The following UTP11 variants were observed in gnomAD, a reference collection of about 807,000 sequenced individuals.
UTP11 encodes probable U3 small nucleolar RNA-associated protein 11.
In UTP11, 29 loss-of-function variants were observed where a neutral mutation model predicts 39.0. That is an observed-to-expected ratio of 0.74 (90% CI 0.55 to 1.01). The LOEUF (loss-of-function observed/expected upper bound fraction) is 1.01, where lower values mean the gene tolerates loss of function less well. UTP11 is among the 50% of genes least tolerant of loss of function. UTP11 has a pLI of 0.00. For synonymous variants in UTP11, 111 were observed against 105.0 expected (o/e 1.06, Z -0.35); for missense variants, 281 against 306.0 (o/e 0.92, Z 0.61).
intron 7 of UTP11, among the ~76,000 whole-genome samples, chr1:38,023,334 G>A (rs1312002756): frequency 6.6e-6 from 1 of 152,144 alleles, no homozygotes; most frequent in African/African-American, 2.4e-5. Flanking sequence ...TTTCTTCTCA[G>A]TTTTCCTAGG....
chr1:38,018,436 G>C, intron 3 of UTP11, 28 bp from the exon 4 acceptor site: 1 of 1,502,258 alleles, frequency 6.7e-7, no homozygotes, highest in Non-Finnish European at 9.2e-7. Flanking sequence ...ATCTAATAGG[G>C]AATATATCTT....
intron 6 of UTP11, among the ~76,000 whole-genome samples, chr1:38,021,667 T>C (rs1646738253): frequency 6.6e-6 from 1 of 152,100 alleles, no homozygotes; most frequent in Admixed American, 6.6e-5. Flanking sequence ...CCAAGGCAGG[T>C]GGATCACTTG....
At chr1:38,012,963 T>C in intron 1 of UTP11, 98 bp downstream of exon 1, 2 of 1,460,900 alleles carry the variant, frequency 1.4e-6, no homozygotes, top group Admixed American at 1.7e-5. Flanking sequence ...CCAAACTGTA[T>C]AGTATATAAA....
chr1:38,016,492 C>T (rs1425306187), intron 2 of UTP11, 72 bp downstream of exon 2: 12 of 1,494,794 alleles, frequency 8.0e-6, no homozygotes, highest in Non-Finnish European at 1.0e-5. Context: ...GCTGAATTGC[C>T]TGAGTGTCCA....
At chr1:38,014,216 A>G (rs1646694185) in intron 1 of UTP11, among the ~76,000 whole-genome samples, 1 of 152,232 alleles carries the variant, frequency 6.6e-6, no homozygotes, top group African/African-American at 2.4e-5. Context: ...GGATTAGCAG[A>G]GAAGACAGAG....
chr1:38,023,294 A>G (rs1646748591), intron 7 of UTP11, among the ~76,000 whole-genome samples: 1 of 152,198 alleles, frequency 6.6e-6, no homozygotes, highest in South Asian at 2.1e-4. Context: ...TTAAAATTAT[A>G]ATTTTAAATG....
At chr1:38,020,862 C>G (rs1018468393) in intron 6 of UTP11, among the ~76,000 whole-genome samples, 1 of 152,160 alleles carries the variant, frequency 6.6e-6, no homozygotes, top group African/African-American at 2.4e-5. Flanking sequence ...GATAACACTT[C>G]CAGCCAAAGA....
At chr1:38,014,955 A>G (rs1166933622) in intron 1 of UTP11, among the ~76,000 whole-genome samples, 1 of 152,172 alleles carries the variant, frequency 6.6e-6, no homozygotes, top group Non-Finnish European at 1.5e-5. Flanking sequence ...TATTTATTGC[A>G]TCACTTGAAG....
chr1:38,015,456 G>T (rs907441145), intron 1 of UTP11, among the ~76,000 whole-genome samples: 1 of 152,190 alleles, frequency 6.6e-6, no homozygotes, highest in Non-Finnish European at 1.5e-5. Context: ...CTACTTATTA[G>T]TTCTGTGTTC....
At chr1:38,022,439 T>C (rs111723651) in intron 6 of UTP11, among the ~76,000 whole-genome samples, 2,645 of 152,210 alleles carry the variant, frequency 0.017, 76 homozygotes, top group African/African-American at 0.06. Context: ...ACTCCTGGGC[T>C]CAAGTGACCC....
In UTP11 at chr1:38,019,426, C is replaced by G. The variant is rs548655944; in HGVS notation, c.567+43C>G. The G allele has an allele frequency of 4.2e-5, 59 of 1,393,636 alleles. No homozygotes were observed. The South Asian group carries it at 1.0e-3, about 24-fold the overall frequency. 86.3% of individuals were successfully genotyped at this position (1,393,636 alleles called of 1,614,324 possible). A position where few individuals can be genotyped will look rare whatever the true frequency, so the allele number is the denominator to read the frequency against. On this transcript the variant is annotated intron_variant, in intron 6 of 7. Transcript: ENST00000373014. ...TCTTCACATGTGAGCTTAGGGGAAT[C>G]TAGGTGTTTTTTTTTTGTTTTTTTT...
In UTP11 at chr1:38,023,489, C is replaced by T. The variant is rs141796881; in HGVS notation, c.679-56C>T. On this transcript the variant is annotated intron_variant, in intron 7 of 7. Coordinates refer to ENST00000373014, the MANE Select transcript of UTP11 (RefSeq NM_016037.4). ...GCTAATAGGTAGTTTATTAACCTTTCGATTTTACAAAACCATTTCCTTCTC... is the reference window on the plus strand; with the variant it reads ...GCTAATAGGTAGTTTATTAACCTTTTGATTTTACAAAACCATTTCCTTCTC... 2.0e-3 allele frequency: 3,093 copies of T among 1,527,670 alleles called. 9 individuals carry two copies. The highest frequency in any genetic ancestry group is 8.0e-3 in the Middle Eastern group (44 of 5,524). The allele number at this position is 1,527,670 out of a possible 1,614,324, so 94.6% of individuals were successfully genotyped here.
intron 6 of UTP11, among the ~76,000 whole-genome samples, chr1:38,022,340 C>T (rs554707979): frequency 3.3e-5 from 5 of 152,100 alleles, no homozygotes; most frequent in South Asian, 4.2e-4. Context: ...TGACGGGTTT[C>T]GATAAGATAG....
In UTP11 at chr1:38,022,782, G is replaced by C. The variant is rs752201840; in HGVS notation, c.651G>C (p.Gln217His). The C allele has an allele frequency of 6.2e-7, 1 of 1,613,082 alleles. No individual in the cohort carries two copies. The highest frequency in any genetic ancestry group is 1.7e-5 in the Admixed American group (1 of 59,956). ...EREKKLFVIA[Q>H]KIQTRKDLMD... is the part of the protein sequence containing the mutation. ...AGAAGAAATTGTTCGTTATTGCTCAGAAAATTCAAACACGCAAAGATCTTA... is the reference window on the plus strand; with the variant it reads ...AGAAGAAATTGTTCGTTATTGCTCACAAAATTCAAACACGCAAAGATCTTA... The change falls in exon 7 of 8, where the codon CAG (glutamine) becomes CAC (histidine). Residue 217 changes from glutamine to histidine, a missense_variant. Transcript: ENST00000373014.
chr1:38,018,054 A>G (rs545155546), intron 3 of UTP11, among the ~76,000 whole-genome samples: 101 of 151,448 alleles, frequency 6.7e-4, no homozygotes, highest in African/African-American at 2.4e-3. Flanking sequence ...TGCTGTTAGC[A>G]TACAGCATTT....
intron 6 of UTP11, among the ~76,000 whole-genome samples, chr1:38,020,436 A>G (rs1646730096): frequency 1.3e-5 from 2 of 152,136 alleles, no homozygotes; most frequent in South Asian, 4.1e-4. Context: ...TTGTAACAAA[A>G]ATTTTGTTTT....
rs1194984063 is a variant in UTP11, at chr1:38,019,164, T to C, written c.436+12T>C. 3 of 1,614,050 alleles carry C rather than the reference T, an allele frequency of 1.9e-6. No individual in the cohort carries two copies. Among genetic ancestry groups the C allele is most frequent in the Non-Finnish European group, 1.7e-6 (2 of 1,179,988 alleles). On this transcript the variant is annotated intron_variant, in intron 5 of 7. Coordinates refer to ENST00000373014, the MANE Select transcript of UTP11 (RefSeq NM_016037.4). ...CACCAAAAAGGAAGGTATGAAATGT[T>C]TGAAGGTTTCTGGGACAGTCTACCA...
chr1:38,019,680 C>T (rs754260374), intron 6 of UTP11, among the ~76,000 whole-genome samples: 17 of 152,134 alleles, frequency 1.1e-4, no homozygotes, highest in Non-Finnish European at 1.8e-4. Context: ...GATGGGGTTT[C>T]GCCATGTTGG....
At chr1:38,019,555 CT>C (rs1646725470) in intron 6 of UTP11, among the ~76,000 whole-genome samples, 172 bp downstream of exon 6, 1 of 151,800 alleles carries the variant, frequency 6.6e-6, no homozygotes, top group Non-Finnish European at 1.5e-5. Flanking sequence ...ACGATCTCGG[CT>C]CACTGCAACC....
Sources: allele counts gnomAD v4.1 joint callset (sites outside exome capture counted in the v4.1 genomes callset), GRCh38; gene constraint gnomAD v4.1.1; transcripts MANE v1.5; gene names NCBI Gene and HGNC (gene_info 2026-07-23, HGNC 2026-07-21).